Variants in DISC1 observed in about 807,000 individuals in gnomAD.
The protein encoded by DISC1 is DISC1 scaffold protein.
A neutral mutation model predicts 84.5 loss-of-function variants in DISC1; 57 were observed. The ratio of observed to expected loss-of-function variants is 0.67; its 90% CI spans 0.55 to 0.84. The LOEUF is 0.84. Ranked by LOEUF, DISC1 falls within the 40% of genes least tolerant of loss-of-function variation. The pLI is 0.00. For synonymous variants in DISC1, 411 were observed against 415.2 expected (o/e 0.99, Z 0.12); for missense variants, 1,000 against 1,057.8 (o/e 0.95, Z 0.76).
chr1:232,024,005 G>A (rs1213910840), intron 11 of DISC1, among the ~76,000 whole-genome samples: 1 of 150,756 alleles, frequency 6.6e-6, no homozygotes, highest in Non-Finnish European at 1.5e-5. Context: ...TTATTTTAGG[G>A]TCAGTAAAAA....
At chr1:231,974,864 G>A (rs1200572805) in intron 10 of DISC1, among the ~76,000 whole-genome samples, 1 of 152,186 alleles carries the variant, frequency 6.6e-6, no homozygotes, top group Non-Finnish European at 1.5e-5. Context: ...ACTTTGGGAG[G>A]CTGAGGCTGG....
At chr1:231,667,370 A>G (rs991011374) in intron 1 of DISC1, among the ~76,000 whole-genome samples, 3 of 152,164 alleles carry the variant, frequency 2.0e-5, no homozygotes, top group Non-Finnish European at 4.4e-5. Context: ...ACCTTCAGTG[A>G]CCTTTCCTGA....
chr1:231,782,132 C>A (rs564486734), intron 6 of DISC1, among the ~76,000 whole-genome samples: 2 of 152,284 alleles, frequency 1.3e-5, no homozygotes, highest in African/African-American at 4.8e-5. Flanking sequence ...TCTTGACTTT[C>A]ATTGTCATTA....
chr1:231,899,040 G>A (rs150961388), intron 9 of DISC1, among the ~76,000 whole-genome samples: 1 of 152,012 alleles, frequency 6.6e-6, no homozygotes, highest in Non-Finnish European at 1.5e-5. Flanking sequence ...GATGGAAAGA[G>A]TGGAGGACAG....
intron 9 of DISC1, among the ~76,000 whole-genome samples, chr1:231,888,860 T>G (rs1260965131): frequency 6.6e-6 from 1 of 151,996 alleles, no homozygotes; most frequent in Non-Finnish European, 1.5e-5. Flanking sequence ...AGAGGATGCT[T>G]CTTTCTTCTT....
chr1:231,935,143 A>G (rs946126620), intron 9 of DISC1, among the ~76,000 whole-genome samples: 5 of 152,204 alleles, frequency 3.3e-5, no homozygotes, highest in Non-Finnish European at 7.3e-5. Context: ...GGGAGCACTG[A>G]GCCAAGCCTC....
At chr1:231,937,120 G>A (rs533438566) in intron 9 of DISC1, among the ~76,000 whole-genome samples, 10 of 152,336 alleles carry the variant, frequency 6.6e-5, no homozygotes, top group African/African-American at 2.2e-4. Context: ...CAGTTGAACA[G>A]GTTCTGTCTT....
intron 3 of DISC1, among the ~76,000 whole-genome samples, chr1:231,715,499 A>G (rs2068568011): frequency 6.6e-6 from 1 of 152,200 alleles, no homozygotes; most frequent in African/African-American, 2.4e-5. Flanking sequence ...TACTGGGACC[A>G]AAGTAACCTT....
intron 3 of DISC1, among the ~76,000 whole-genome samples, chr1:231,710,008 C>T (rs1315231779): frequency 1.3e-5 from 2 of 152,124 alleles, no homozygotes; most frequent in Non-Finnish European, 2.9e-5. Context: ...GGCCCTAAGA[C>T]CTCAGCTGCT....
intron 9 of DISC1, among the ~76,000 whole-genome samples, chr1:231,840,839 A>G (rs1034664067): frequency 5.3e-5 from 8 of 151,980 alleles, no homozygotes; most frequent in Admixed American, 1.3e-4. Flanking sequence ...ATTGTTCTGT[A>G]TCCTGTTTGT....
chr1:231,871,801 G>T (rs2085486517), intron 9 of DISC1, among the ~76,000 whole-genome samples: 1 of 152,154 alleles, frequency 6.6e-6, no homozygotes, highest in African/African-American at 2.4e-5. Context: ...GGGGTGGTGA[G>T]ACCAGCTCTG....
At chr1:231,916,331 T>C (rs145703898) in intron 9 of DISC1, among the ~76,000 whole-genome samples, 1 of 152,286 alleles carries the variant, frequency 6.6e-6, no homozygotes, top group Non-Finnish European at 1.5e-5. Context: ...TTATTTGATA[T>C]TACACTTTTT....
At chr1:231,906,320 T>A (rs1402003001) in intron 9 of DISC1, among the ~76,000 whole-genome samples, 1 of 152,134 alleles carries the variant, frequency 6.6e-6, no homozygotes, top group Non-Finnish European at 1.5e-5. Flanking sequence ...CCATGCCCGG[T>A]CAAGGGCATG....
Position 231,630,015 on chromosome 1 carries a change from T to C in DISC1, c.67+3081T>C, listed in dbSNP as rs1250175916. 6.6e-6 allele frequency among the ~76,000 whole-genome samples: 1 copy of C among 152,186 alleles called. No homozygotes were observed. The highest frequency in any genetic ancestry group is 2.4e-5 in the African/African-American group (1 of 41,440). ...GGCACGATCTCGGCTCACTGCAACC[T>C]CTGCCTCCTGGGTTCAAGCGATTCT... On this transcript the variant is annotated intron_variant, in intron 1 of 12. Transcript: ENST00000439617. This position sits in a 1 kb window ranked among gnomAD's most constrained non-coding sequence, Gnocchi z 4.4.
At chr1:232,007,843 C>T (rs1667644874) in intron 10 of DISC1, among the ~76,000 whole-genome samples, 1 of 152,062 alleles carries the variant, frequency 6.6e-6, no homozygotes, top group South Asian at 2.1e-4. Flanking sequence ...CCCCATAATC[C>T]CCAAATGTTA....
intron 10 of DISC1, among the ~76,000 whole-genome samples, chr1:231,961,138 A>G (rs1660329698): frequency 6.6e-6 from 1 of 152,190 alleles, no homozygotes; most frequent in South Asian, 2.1e-4. Flanking sequence ...TTTTGTGGGG[A>G]CATCACTGGA....
At chr1:232,015,541 C>T (rs943544868) in intron 11 of DISC1, among the ~76,000 whole-genome samples, 1 of 152,138 alleles carries the variant, frequency 6.6e-6, no homozygotes, top group African/African-American at 2.4e-5. Flanking sequence ...AGATAGCACC[C>T]TGCCCCCTCA....
chr1:231,849,528 A>G (rs1049395131), intron 9 of DISC1, among the ~76,000 whole-genome samples: 1 of 151,974 alleles, frequency 6.6e-6, no homozygotes, highest in Admixed American at 6.6e-5. Flanking sequence ...GATGATGATG[A>G]TGGTGGTGTG....
chr1:231,720,934 T>G lies in DISC1; in HGVS notation c.1117+18910T>G, dbSNP rs758873919. The G allele has an allele frequency of 5.9e-5, 76 of 1,290,876 alleles. 1 individual carries two copies. In the South Asian group the frequency reaches 7.8e-4, roughly 13 times the overall value. 80.0% of individuals were successfully genotyped at this position (1,290,876 alleles called of 1,614,324 possible). A position where few individuals can be genotyped will look rare whatever the true frequency, so the allele number is the denominator to read the frequency against. On this transcript the variant is annotated intron_variant, in intron 3 of 12. Coordinates refer to ENST00000439617, the MANE Select transcript of DISC1 (RefSeq NM_018662.3). ...GCATTAATAACCACAGGTAATTTAC[T>G]TTACCTCTGCAGGAAGTCACTGGAA... is the stretch of plus-strand genomic sequence containing the variant.
Sources: allele counts gnomAD v4.1 joint callset (sites outside exome capture counted in the v4.1 genomes callset), GRCh38; gene constraint gnomAD v4.1.1; non-coding constraint Gnocchi (gnomAD v3.1); transcripts MANE v1.5; gene names NCBI Gene and HGNC (gene_info 2026-07-23, HGNC 2026-07-21).